VBP1: variants seen among roughly 807,000 people sequenced by gnomAD.
VBP1 encodes VHL binding protein 1.
Under a neutral mutation model 15.5 loss-of-function variants are expected in VBP1, and 4 were observed. That is an observed-to-expected ratio of 0.26 (90% confidence interval 0.13 to 0.59). The LOEUF (loss-of-function observed/expected upper bound fraction) is 0.59, where lower values mean the gene tolerates loss of function less well. VBP1 is among the 20% of genes least tolerant of loss of function. The pLI, the probability that VBP1 is intolerant of heterozygous loss-of-function variation, is 0.90. For missense variants in VBP1, 108 were observed against 139.6 expected (o/e 0.77, Z 1.14); for synonymous variants, 61 against 52.1 (o/e 1.17, Z -0.74).
chrX:155,206,516 A>G (rs1393731051), intron 1 of VBP1, among the ~76,000 whole-genome samples: 1 of 111,196 alleles, frequency 9.0e-6, no homozygotes, highest in East Asian at 2.8e-4. Context: ...TTACAGGTGT[A>G]AGCCACTGTG....
At chrX:155,232,466 T>G (rs2074752134) in intron 4 of VBP1, among the ~76,000 whole-genome samples, 2 of 112,120 alleles carry the variant, frequency 1.8e-5, no homozygotes, top group Non-Finnish European at 3.8e-5. Context: ...ATACTTAAAT[T>G]TTTTAGAAAA....
intron 1 of VBP1, among the ~76,000 whole-genome samples, chrX:155,203,168 TA>T (rs1557307714): frequency 1.8e-5 from 2 of 111,378 alleles, no homozygotes; most frequent in African/African-American, 6.5e-5. Flanking sequence ...GGTGGGACTG[TA>T]AACTAGTTCA....
intron 1 of VBP1, among the ~76,000 whole-genome samples, chrX:155,203,563 A>T (rs1467912020): frequency 3.1e-5 from 3 of 97,839 alleles, no homozygotes; most frequent in African/African-American, 1.1e-4. Flanking sequence ...TGAACAATGA[A>T]AACACATGGA....
At chrX:155,213,954 T>C (rs2074653094), upstream of VBP1, among the ~76,000 whole-genome samples, 1 of 112,018 alleles carries the variant, frequency 8.9e-6, no homozygotes, top group Non-Finnish European at 1.9e-5. Context: ...TGTGGGAGTA[T>C]CCAGGCTACA....
At chrX:155,217,888 C>T (rs181990000) in intron 1 of VBP1, among the ~76,000 whole-genome samples, 239 of 111,619 alleles carry the variant, frequency 2.1e-3, no homozygotes, top group African/African-American at 7.6e-3. Flanking sequence ...AGACTGGCAG[C>T]TTACCCCTCA....
At chrX:155,209,688 C>T (rs1295998933) in intron 2 of VBP1, among the ~76,000 whole-genome samples, 1 of 111,702 alleles carries the variant, frequency 9.0e-6, no homozygotes, top group Non-Finnish European at 1.9e-5. Flanking sequence ...GAAGACTTTA[C>T]AAGGTTTCTT....
intron 2 of VBP1, chrX:155,209,072 G>A: frequency 1.2e-6 from 1 of 819,625 alleles, no homozygotes; most frequent in East Asian, 3.5e-5. Context: ...TTGCAACATA[G>A]CCATCTTTTG....
chrX:155,210,277 A>G (rs1557308411), intron 2 of VBP1, among the ~76,000 whole-genome samples: 1 of 110,800 alleles, frequency 9.0e-6, no homozygotes, highest in East Asian at 2.8e-4. Context: ...GCGAGGCCCC[A>G]TCTCTACAAA....
intron 3 of VBP1, among the ~76,000 whole-genome samples, chrX:155,227,646 T>C (rs2074725487): frequency 8.9e-6 from 1 of 112,557 alleles, no homozygotes; most frequent in African/African-American, 3.2e-5. Context: ...TCTTTCTCCC[T>C]AAGAATAAGG....
rs782085162 is a variant in VBP1 at position 155,200,177 on chromosome X, A to T, written c.-31+3038A>T. Among the ~76,000 whole-genome samples, 18 of 105,318 alleles carry T rather than the reference A, an allele frequency of 1.7e-4. No individual in the cohort carries two copies. In the East Asian group the frequency reaches 5.0e-3, roughly 29 times the overall value. 91.5% of individuals were successfully genotyped at this position (105,318 alleles called of 115,157 possible). ...TAATAATGGGAGACTTTAACACCCC[A>T]CTGTCAACATTAGGCAGATCAACGA... On this transcript the variant is annotated intron_variant, in intron 1 of 6. Transcript: ENST00000535916.
intron 1 of VBP1, among the ~76,000 whole-genome samples, chrX:155,207,500 G>A (rs2074630164): frequency 8.9e-6 from 1 of 111,875 alleles, no homozygotes; most frequent in Non-Finnish European, 1.9e-5. Flanking sequence ...TGGTTTGTAA[G>A]GCAAGAGGTC....
chrX:155,205,715 A>G (rs782435845), intron 1 of VBP1, among the ~76,000 whole-genome samples: 72 of 111,191 alleles, frequency 6.5e-4, no homozygotes, highest in African/African-American at 2.1e-3. Context: ...AAAAGCCAAG[A>G]TCCTCCATGC....
chrX:155,211,016 T>TAG (rs2074643196), intron 2 of VBP1, among the ~76,000 whole-genome samples: 1 of 112,072 alleles, frequency 8.9e-6, no homozygotes, highest in Non-Finnish European at 1.9e-5. Context: ...GTGATGAATT[T>TAG]TCTAGAGATT....
upstream of VBP1, among the ~76,000 whole-genome samples, chrX:155,215,884 G>C (rs2074660680): frequency 8.9e-6 from 1 of 112,049 alleles, no homozygotes; most frequent in South Asian, 3.7e-4. Context: ...TTGAGCTGGA[G>C]AGAAGACATT....
At chrX:155,224,147 A>G (rs1243278684) in intron 2 of VBP1, among the ~76,000 whole-genome samples, 1 of 108,888 alleles carries the variant, frequency 9.2e-6, no homozygotes, top group African/African-American at 3.4e-5. Context: ...GGCTCCTCAC[A>G]TCCCAGACGA....
upstream of VBP1, among the ~76,000 whole-genome samples, chrX:155,212,402 G>A (rs2074648100): frequency 9.0e-6 from 1 of 111,531 alleles, no homozygotes; most frequent in Non-Finnish European, 1.9e-5. Context: ...CTCACCTTGG[G>A]GCCCAAGATC....
At chrX:155,203,851 A>T (rs1423938178) in intron 1 of VBP1, among the ~76,000 whole-genome samples, 2 of 112,332 alleles carry the variant, frequency 1.8e-5, no homozygotes, top group Non-Finnish European at 3.8e-5. Context: ...TTGCATGAGT[A>T]GTCAAAGAGG....
chrX:155,228,766 A>G (rs1307998698), intron 4 of VBP1, among the ~76,000 whole-genome samples: 2 of 111,735 alleles, frequency 1.8e-5, no homozygotes, highest in Non-Finnish European at 3.8e-5. Context: ...CTTCTCTTCC[A>G]GTTAGTGCTT....
At chrX:155,197,776 G>T (rs1490455725) in intron 1 of VBP1, among the ~76,000 whole-genome samples, 1 of 112,284 alleles carries the variant, frequency 8.9e-6, no homozygotes, top group South Asian at 3.6e-4. Flanking sequence ...TGAGTGCAGC[G>T]CACTGTGCGC....
Sources: allele counts gnomAD v4.1 joint callset (sites outside exome capture counted in the v4.1 genomes callset), GRCh38; gene constraint gnomAD v4.1.1; transcripts MANE v1.5; gene names NCBI Gene and HGNC (gene_info 2026-07-23, HGNC 2026-07-21).